The following SEZ6L variants were observed in gnomAD, a reference collection of about 807,000 sequenced individuals.
SEZ6L encodes seizure 6-like protein.
SEZ6L carries 37 observed loss-of-function variants against 106.2 expected under a neutral mutation model. That is an observed-to-expected ratio of 0.35 (90% CI 0.27 to 0.46). The LOEUF (loss-of-function observed/expected upper bound fraction) is 0.46. SEZ6L is among the 20% of genes least tolerant of loss of function. The probability of loss-of-function intolerance (pLI) is 1.00; values close to 1 mark genes in which losing one functional copy is unlikely to be tolerated. For synonymous variants in SEZ6L, 541 were observed against 570.4 expected (o/e 0.95, Z 0.73); for missense variants, 1,172 against 1,332.8 (o/e 0.88, Z 1.88).
At chr22:26,191,723 T>G (rs1178554020) in intron 1 of SEZ6L, among the ~76,000 whole-genome samples, 3 of 152,318 alleles carry the variant, frequency 2.0e-5, no homozygotes, top group South Asian at 4.1e-4. Context: ...CTGTACATCC[T>G]GCACATGTAT....
At chr22:26,185,179 G>C (rs561540107) in intron 1 of SEZ6L, among the ~76,000 whole-genome samples, 50 of 152,328 alleles carry the variant, frequency 3.3e-4, no homozygotes, top group African/African-American at 1.1e-3. Flanking sequence ...ATGTGAAGGG[G>C]TTAAAAAGAG....
chr22:26,281,155 A>C lies in SEZ6L; in HGVS notation c.95-11251A>C, dbSNP rs938558694. On this transcript the variant is annotated intron_variant, in intron 1 of 16. Coordinates refer to ENST00000248933, the MANE Select transcript of SEZ6L (RefSeq NM_021115.5). ...CAAATGGATTAACTACTCCTGAATT[A>C]ATGGATTAATGGATTAATGGGTTAT... is the stretch of plus-strand genomic sequence containing the variant. Among the ~76,000 whole-genome samples the C allele has an allele frequency of 2.8e-5, 4 of 143,210 alleles. No individual in the cohort carries two copies. In the South Asian group the frequency reaches 8.9e-4, roughly 32 times the overall value. 94.0% of individuals were successfully genotyped at this position (143,210 alleles called of 152,430 possible).
At chr22:26,270,968 G>A (rs188974593) in intron 1 of SEZ6L, among the ~76,000 whole-genome samples, 30 of 152,308 alleles carry the variant, frequency 2.0e-4, no homozygotes, top group African/African-American at 4.6e-4. Context: ...ATTCAAGGGC[G>A]TAATGAGATG....
At chr22:26,208,076 ATT>A (rs531181975) in intron 1 of SEZ6L, among the ~76,000 whole-genome samples, 2 of 145,172 alleles carry the variant, frequency 1.4e-5, no homozygotes, top group African/African-American at 2.5e-5. Context: ...TGCCCAGCTA[ATT>A]TTTTTTTTTT....
Position 26,299,017 on chromosome 22 carries a change from C to G in SEZ6L, c.1196C>G (p.Pro399Arg). Residue 399 changes from proline to arginine, a missense_variant, in exon 5 of 17, where the codon CCT becomes CGT. Coordinates refer to ENST00000248933, the MANE Select transcript of SEZ6L (RefSeq NM_021115.5). ...FMLSCNFPRR[P>R]DSGDVTVMDL... ...CTGAGCTGCAACTTTCCCCGCCGGC[C>G]TGACTCTGGGGATGTCACGGTGATG... The G allele has an allele frequency of 6.3e-7, 1 of 1,593,964 alleles. No individual in the cohort carries two copies. Among genetic ancestry groups the G allele is most frequent in the Non-Finnish European group, 8.5e-7 (1 of 1,170,520 alleles).
chr22:26,170,682 C>T (rs1443864652), intron 1 of SEZ6L, among the ~76,000 whole-genome samples: 1 of 152,178 alleles, frequency 6.6e-6, no homozygotes, highest in Non-Finnish European at 1.5e-5. Flanking sequence ...TCACCCAAAG[C>T]TAACCCTCAG....
At chr22:26,225,090 C>T (rs185974457) in intron 1 of SEZ6L, among the ~76,000 whole-genome samples, 127 of 152,272 alleles carry the variant, frequency 8.3e-4, no homozygotes, top group Non-Finnish European at 1.6e-3. Context: ...ACTAAAGTGA[C>T]CTGAAAAGAT....
At chr22:26,186,445 C>A in intron 1 of SEZ6L, among the ~76,000 whole-genome samples, 1 of 151,982 alleles carries the variant, frequency 6.6e-6, no homozygotes, top group African/African-American at 2.4e-5. Context: ...TGGGCTAACT[C>A]CAAATATAAA....
intron 11 of SEZ6L, among the ~76,000 whole-genome samples, chr22:26,348,215 GCTGGGTGTAGTGGCTCATGC>G (rs1369300751): frequency 1.3e-5 from 2 of 152,062 alleles, no homozygotes; most frequent in African/African-American, 2.4e-5. Flanking sequence ...AGAACATTTG[GCTGGGTGTAGTGGCTCATGC>G]CTGTAATCCT....
intron 12 of SEZ6L, among the ~76,000 whole-genome samples, chr22:26,364,570 T>A (rs1369452274): frequency 6.6e-6 from 1 of 151,862 alleles, no homozygotes; most frequent in Non-Finnish European, 1.5e-5. Context: ...CCAGCCTGGG[T>A]GTCTTAGGCT....
chr22:26,372,117 G>A (rs949636690), intron 13 of SEZ6L, among the ~76,000 whole-genome samples: 4 of 152,176 alleles, frequency 2.6e-5, no homozygotes, highest in African/African-American at 9.7e-5. Flanking sequence ...AACTGGGGGA[G>A]TCCAGATCAG....
chr22:26,180,065 G>T (rs1468395800), intron 1 of SEZ6L, among the ~76,000 whole-genome samples: 2 of 152,174 alleles, frequency 1.3e-5, no homozygotes, highest in East Asian at 3.8e-4. Context: ...CCAGTCCTTT[G>T]TACTGGGCAA....
intron 9 of SEZ6L, among the ~76,000 whole-genome samples, chr22:26,336,986 T>C (rs2082665760): frequency 6.6e-6 from 1 of 152,056 alleles, no homozygotes; most frequent in African/African-American, 2.4e-5. Context: ...ATGCCAAAAA[T>C]GAAAGTGGAA....
intron 1 of SEZ6L, among the ~76,000 whole-genome samples, chr22:26,243,322 G>A (rs2079201984): frequency 6.6e-6 from 1 of 152,226 alleles, no homozygotes; most frequent in East Asian, 1.9e-4. Flanking sequence ...AGGGTGCCAT[G>A]GAGAAAGTGA....
intron 12 of SEZ6L, 64 bp downstream of exon 12, chr22:26,351,307 T>G (rs898069224): frequency 6.7e-7 from 1 of 1,502,634 alleles, no homozygotes; most frequent in Non-Finnish European, 9.1e-7. Flanking sequence ...CTCTTGTTCA[T>G]GATGGAAGGC....
At chr22:26,348,646 A>AAGAAAGAAAGAAAGAGAAAGAAAG in intron 11 of SEZ6L, among the ~76,000 whole-genome samples, 1 of 7,692 alleles carries the variant, frequency 1.3e-4, no homozygotes, top group African/African-American at 7.9e-4. Flanking sequence ...GAAAGAAAGA[A>AAGAAAGAAAGAAAGAGAAAGAAAG]AAAGAAAGAA....
intron 1 of SEZ6L, among the ~76,000 whole-genome samples, chr22:26,200,469 A>G (rs1331787757): frequency 6.6e-6 from 1 of 152,204 alleles, no homozygotes; most frequent in Non-Finnish European, 1.5e-5. Flanking sequence ...GTTAGTGGAC[A>G]GGACTTGTGG....
intron 1 of SEZ6L, among the ~76,000 whole-genome samples, chr22:26,180,933 G>A (rs758417962): frequency 7.2e-5 from 11 of 152,260 alleles, no homozygotes; most frequent in South Asian, 2.1e-4. Flanking sequence ...ATTCTGAATG[G>A]GGGACTCAGC....
chr22:26,250,458 A>G (rs2079535311), intron 1 of SEZ6L, among the ~76,000 whole-genome samples: 1 of 152,180 alleles, frequency 6.6e-6, no homozygotes, highest in Non-Finnish European at 1.5e-5. Context: ...CCTTTATCAA[A>G]AGTCAGTTAG....
Sources: gnomAD v4.1 joint callset for allele counts (sites outside exome capture counted in the v4.1 genomes callset) on GRCh38, gnomAD v4.1.1 for gene constraint, MANE v1.5 for transcripts, NCBI Gene and HGNC (gene_info 2026-07-23, HGNC 2026-07-21) for gene names.